DSCAM: variants seen among roughly 807,000 people sequenced by gnomAD.
DSCAM encodes the protein DS cell adhesion molecule.
In DSCAM, 47 loss-of-function variants were observed where a neutral mutation model predicts 217.7. The observed-to-expected ratio is 0.22, with a 90% CI of 0.17 to 0.28. The LOEUF is 0.28. DSCAM is among the 10% of genes least tolerant of loss of function. The probability of loss-of-function intolerance (pLI) is 1.00; values close to 1 mark genes in which losing one functional copy is unlikely to be tolerated. For synonymous variants in DSCAM, 1,056 were observed against 1,015.3 expected (o/e 1.04, Z -0.76); for missense variants, 2,080 against 2,618.3 (o/e 0.79, Z 4.49).
intron 10 of DSCAM, among the ~76,000 whole-genome samples, chr21:40,292,310 A>G (rs138154484): frequency 6.6e-6 from 1 of 152,048 alleles, no homozygotes; most frequent in East Asian, 1.9e-4. Flanking sequence ...TCTCAAGGAA[A>G]CAAGCTGAAT....
At chr21:40,174,522 C>T (rs1458762569) in intron 15 of DSCAM, among the ~76,000 whole-genome samples, 1 of 142,870 alleles carries the variant, frequency 7.0e-6, no homozygotes, top group East Asian at 2.0e-4. Context: ...TTTATGGGCC[C>T]ATGTTATTCT....
In DSCAM at chr21:40,047,832, C is replaced by G. The variant is rs547766854; in HGVS notation, c.5186-3557G>C. On this transcript the variant is annotated intron_variant, in intron 30 of 32. Transcript: ENST00000400454. ...CACCTCACCCACCCCAGGTATTTCC[C>G]TCAGGGCCACTGCTAGTCCCATCCT... Among the ~76,000 whole-genome samples, 100 of 152,290 alleles carry G rather than the reference C, an allele frequency of 6.6e-4. 1 individual carries two copies. The highest frequency in any genetic ancestry group is 8.8e-4 in the Non-Finnish European group (60 of 68,022).
In DSCAM at chr21:40,360,121, G is replaced by GTTTTTTTTTT. The variant is rs764160478; in HGVS notation, c.656-6379_656-6378insAAAAAAAAAA. ...TAGTGAGCATGGTACTTCATAGGTAGTCTTTTTTTTTTTTTTTTTTTTTTT... is the reference window on the plus strand; with the variant it reads ...TAGTGAGCATGGTACTTCATAGGTAGTTTTTTTTTTTCTTTTTTTTTTTTTTTTTTTTTTT... On this transcript the variant is annotated intron_variant, in intron 4 of 32. Coordinates refer to ENST00000400454, the MANE Select transcript of DSCAM (RefSeq NM_001389.5). Among the ~76,000 whole-genome samples the GTTTTTTTTTT allele has an allele frequency of 2.7e-4, 22 of 82,632 alleles. 9 individuals carry two copies. The highest frequency in any genetic ancestry group is 8.0e-4 in the African/African-American group (16 of 19,922). The allele number at this position is 82,632 out of a possible 152,430, so 54.2% of individuals were successfully genotyped here.
intron 8 of DSCAM, among the ~76,000 whole-genome samples, chr21:40,334,437 C>T (rs878855893): frequency 2.6e-5 from 4 of 152,160 alleles, no homozygotes; most frequent in Admixed American, 2.6e-4. Context: ...TTTCCTCACA[C>T]CTGTATCCAA....
chr21:40,200,559 A>C (rs1444836587), intron 11 of DSCAM, among the ~76,000 whole-genome samples: 1 of 152,196 alleles, frequency 6.6e-6, no homozygotes, highest in African/African-American at 2.4e-5. Context: ...CTGTCAACGG[A>C]CACTTGTGTT....
chr21:40,222,085 C>CTCAG (rs1320503237), intron 11 of DSCAM, among the ~76,000 whole-genome samples: 1 of 152,184 alleles, frequency 6.6e-6, no homozygotes, highest in African/African-American at 2.4e-5. Flanking sequence ...TCAAGGGAAA[C>CTCAG]AACTGAGAGT....
At chr21:40,412,383 G>T (rs574062441) in intron 3 of DSCAM, among the ~76,000 whole-genome samples, 2 of 152,186 alleles carry the variant, frequency 1.3e-5, no homozygotes, top group Non-Finnish European at 2.9e-5. Context: ...ACTCCCTAGA[G>T]CCTAGTTGAA....
chr21:40,606,468 G>C (rs188711291), intron 3 of DSCAM, among the ~76,000 whole-genome samples: 27 of 152,304 alleles, frequency 1.8e-4, no homozygotes, highest in African/African-American at 4.8e-4. Flanking sequence ...ACATTGCCCA[G>C]GTCAACAGTC....
intron 3 of DSCAM, among the ~76,000 whole-genome samples, chr21:40,593,153 G>C (rs1301403945): frequency 6.6e-6 from 1 of 151,912 alleles, no homozygotes; most frequent in Non-Finnish European, 1.5e-5. Flanking sequence ...TTATATATTG[G>C]AACTTCACAA....
At chr21:40,483,490 T>C (rs1333826196) in intron 3 of DSCAM, among the ~76,000 whole-genome samples, 1 of 152,232 alleles carries the variant, frequency 6.6e-6, no homozygotes, top group Non-Finnish European at 1.5e-5. Context: ...ATTATATCTT[T>C]AATAGCTATT....
intron 1 of DSCAM, among the ~76,000 whole-genome samples, chr21:40,801,011 GCT>G (rs2091735865): frequency 6.6e-6 from 1 of 150,596 alleles, no homozygotes; most frequent in Non-Finnish European, 1.5e-5. Context: ...GAGTGCAGTG[GCT>G]TGATCTTGGC....
intron 1 of DSCAM, among the ~76,000 whole-genome samples, chr21:40,758,308 G>A (rs1240965047): frequency 6.6e-6 from 1 of 152,064 alleles, no homozygotes; most frequent in Non-Finnish European, 1.5e-5. Context: ...GGACATTAGT[G>A]TATATTCTGA....
intron 3 of DSCAM, among the ~76,000 whole-genome samples, chr21:40,541,011 C>T (rs2146132108): frequency 6.6e-6 from 1 of 151,880 alleles, no homozygotes; most frequent in East Asian, 1.9e-4. Flanking sequence ...ACTACAGGTG[C>T]ATATTACAAA....
chr21:40,652,347 C>CAA (rs56384103), intron 3 of DSCAM, among the ~76,000 whole-genome samples: 1 of 142,618 alleles, frequency 7.0e-6, no homozygotes, highest in South Asian at 2.2e-4. Flanking sequence ...ACAACAACAA[C>CAA]AAAAAAAAAA....
At chr21:40,307,908 GA>G (rs1391872352) in intron 9 of DSCAM, among the ~76,000 whole-genome samples, 1 of 142,996 alleles carries the variant, frequency 7.0e-6, no homozygotes, top group African/African-American at 2.6e-5. Context: ...ACAGGAAGGG[GA>G]ACATCACACT....
intron 4 of DSCAM, 102 bp from the exon 5 acceptor site, chr21:40,353,845 C>A: frequency 2.0e-6 from 2 of 1,023,088 alleles, no homozygotes; most frequent in Non-Finnish European, 2.7e-6. Flanking sequence ...TGCATCATAC[C>A]AACTATTGAT....
At chr21:40,460,262 C>CA (rs2075796047) in intron 3 of DSCAM, among the ~76,000 whole-genome samples, 1 of 151,994 alleles carries the variant, frequency 6.6e-6, no homozygotes, top group Non-Finnish European at 1.5e-5. Flanking sequence ...ACATCCTGCA[C>CA]AGGTACCCCA....
chr21:40,050,775 G>A (rs1259562884), intron 30 of DSCAM, among the ~76,000 whole-genome samples: 1 of 152,108 alleles, frequency 6.6e-6, no homozygotes, highest in Admixed American at 6.6e-5. Flanking sequence ...GCCCAGTCTG[G>A]ATCATTTTTT....
intron 1 of DSCAM, among the ~76,000 whole-genome samples, chr21:40,743,051 TGAA>T (rs2091140059): frequency 6.6e-6 from 1 of 152,228 alleles, no homozygotes; most frequent in South Asian, 2.1e-4. Flanking sequence ...CTTACTTTAC[TGAA>T]GAAGACTTCT....
Sources: gnomAD v4.1 joint callset for allele counts (sites outside exome capture counted in the v4.1 genomes callset) on GRCh38, gnomAD v4.1.1 for gene constraint, MANE v1.5 for transcripts, NCBI Gene and HGNC (gene_info 2026-07-23, HGNC 2026-07-21) for gene names.